The following NRXN1 variants were observed in gnomAD, a reference collection of about 807,000 sequenced individuals.
NRXN1 encodes the protein neurexin 1.
NRXN1 carries 39 observed loss-of-function variants against 150.9 expected under a neutral mutation model. The observed-to-expected ratio is 0.26, with a 90% confidence interval of 0.20 to 0.34. NRXN1 has a LOEUF of 0.34. Among genes scored for constraint, NRXN1 ranks in the 10% least tolerant of loss-of-function variants. The pLI, the probability that NRXN1 is intolerant of heterozygous loss-of-function variation, is 1.00. For missense variants in NRXN1, 1,815 were observed against 1,949.9 expected, an observed-to-expected ratio of 0.93 and a Z score of 1.30; for synonymous variants, 924 against 757.0, an observed-to-expected ratio of 1.22 and a Z score of -3.62.
At chr2:50,616,276 T>A (rs1211638936) in intron 8 of NRXN1, 1 of 152,210 alleles carries the variant, frequency 6.6e-6, no homozygotes, top group African/African-American at 2.4e-5. Context: ...GGTTAGGTTT[T>A]ACCAAATTAT....
chr2:50,672,124 G>C (rs772561744), intron 5 of NRXN1, among the ~76,000 whole-genome samples: 1 of 151,758 alleles, frequency 6.6e-6, no homozygotes, highest in Non-Finnish European at 1.5e-5. Flanking sequence ...ACCATAATTT[G>C]CTATAATACC....
chr2:50,347,030 G>A lies in NRXN1; in HGVS notation c.3365-110060C>T. 1 of 1,371,308 alleles carries A rather than the reference G, an allele frequency of 7.3e-7. No individual in the cohort carries two copies. The highest frequency in any genetic ancestry group is 1.3e-5 in the South Asian group (1 of 78,550). 84.9% of individuals were successfully genotyped at this position (1,371,308 alleles called of 1,614,324 possible). Reference sequence around the variant, plus strand: ...GAGAGGAGAGGGCGCAGGGGAGCGGGCGGCGCGGAGTGGGCTGAGGGGCCG... The same window carrying A: ...GAGAGGAGAGGGCGCAGGGGAGCGGACGGCGCGGAGTGGGCTGAGGGGCCG... On this transcript the variant is annotated intron_variant, in intron 17 of 22. Transcript: ENST00000401669. The surrounding 1 kb of genome is among the most constrained non-coding windows in gnomAD (Gnocchi z 4.9).
At chr2:50,868,165 ATATATAT>A (rs1475878738) in intron 5 of NRXN1, among the ~76,000 whole-genome samples, 14 of 76,996 alleles carry the variant, frequency 1.8e-4, no homozygotes, top group African/African-American at 5.1e-4. Context: ...ATATATATAT[ATATATAT>A]ATATATATAT....
At chr2:50,067,290 G>A (rs1461702114) in intron 19 of NRXN1, among the ~76,000 whole-genome samples, 1 of 152,114 alleles carries the variant, frequency 6.6e-6, no homozygotes, top group Admixed American at 6.6e-5. Flanking sequence ...AGATATCTAA[G>A]TGTTTTACAC....
intron 2 of NRXN1, among the ~76,000 whole-genome samples, chr2:50,948,551 A>G (rs1690779444): frequency 6.6e-6 from 1 of 152,016 alleles, no homozygotes. Context: ...GTTGATCTGA[A>G]TTTATTGGAG....
At chr2:50,901,905 C>T (rs1298466068) in intron 5 of NRXN1, among the ~76,000 whole-genome samples, 2 of 152,078 alleles carry the variant, frequency 1.3e-5, no homozygotes, top group South Asian at 2.1e-4. Context: ...ACACGCATGG[C>T]GAATGGAAGA....
intron 5 of NRXN1, among the ~76,000 whole-genome samples, chr2:50,652,684 CAT>C (rs748699320): frequency 4.9e-4 from 75 of 152,132 alleles, no homozygotes; most frequent in Middle Eastern, 3.4e-3. Context: ...TGTATAGACA[CAT>C]GTTTTCATTT....
At chr2:50,630,351 A>T (rs184483829) in intron 5 of NRXN1, among the ~76,000 whole-genome samples, 4 of 151,828 alleles carry the variant, frequency 2.6e-5, no homozygotes, top group African/African-American at 9.6e-5. Context: ...GGGAAAAAAA[A>T]TGTTAAACAA....
chr2:50,257,749 A>G (rs972373841), intron 17 of NRXN1, among the ~76,000 whole-genome samples: 3 of 152,238 alleles, frequency 2.0e-5, no homozygotes, highest in Middle Eastern at 6.8e-3. Context: ...GATAATTTAA[A>G]GAGTATCGTT....
chr2:49,973,456 C>T (rs989034767), intron 21 of NRXN1, among the ~76,000 whole-genome samples: 2 of 152,080 alleles, frequency 1.3e-5, no homozygotes, highest in Non-Finnish European at 2.9e-5. Context: ...TCATGAAAAT[C>T]CCACTCTGCC....
chr2:49,996,815 T>C (rs1369360225), intron 21 of NRXN1, among the ~76,000 whole-genome samples: 5 of 152,230 alleles, frequency 3.3e-5, no homozygotes, highest in Non-Finnish European at 5.9e-5. Flanking sequence ...GCAAATTTAT[T>C]TGTGCTGTTT....
At chr2:50,213,653 G>T (rs1042773120) in intron 18 of NRXN1, among the ~76,000 whole-genome samples, 1 of 151,800 alleles carries the variant, frequency 6.6e-6, no homozygotes, top group Non-Finnish European at 1.5e-5. Context: ...AAATTTTTAG[G>T]TATTTCTAGT....
rs183332349 is a variant in NRXN1 at position 49,964,053 on chromosome 2, A to G, written c.4129-20262T>C. On this transcript the variant is annotated intron_variant, in intron 21 of 22. Transcript: ENST00000401669. ...TCCCACAGAGGCACAATGCTTCTAAAGCTTTGAAGCCTGAAGTTCAGGGAA... is the reference window on the plus strand; with the variant it reads ...TCCCACAGAGGCACAATGCTTCTAAGGCTTTGAAGCCTGAAGTTCAGGGAA... Among the ~76,000 whole-genome samples the G allele has an allele frequency of 2.3e-3, 351 of 152,292 alleles. 1 individual carries two copies. Among genetic ancestry groups the G allele is most frequent in the African/African-American group, 8.2e-3 (339 of 41,558 alleles).
intron 5 of NRXN1, among the ~76,000 whole-genome samples, chr2:50,803,549 A>T (rs1452949886): frequency 1.3e-5 from 2 of 152,134 alleles, no homozygotes; most frequent in Non-Finnish European, 2.9e-5. Flanking sequence ...ACATTGTTCA[A>T]TTTTTTCTAA....
chr2:50,996,180 G>A (rs1575163698), intron 2 of NRXN1, among the ~76,000 whole-genome samples: 1 of 152,236 alleles, frequency 6.6e-6, no homozygotes, highest in East Asian at 1.9e-4. Flanking sequence ...TAAATGGGCA[G>A]TTTGCTGGTT....
chr2:50,690,099 CT>C (rs1691859388), intron 5 of NRXN1, among the ~76,000 whole-genome samples: 1 of 152,078 alleles, frequency 6.6e-6, no homozygotes, highest in Non-Finnish European at 1.5e-5. Context: ...GTTAGCAAGG[CT>C]GGTCTAGACC....
chr2:50,010,965 A>G (rs1296367862), intron 21 of NRXN1, among the ~76,000 whole-genome samples: 1 of 152,200 alleles, frequency 6.6e-6, no homozygotes, highest in Non-Finnish European at 1.5e-5. Flanking sequence ...CAAAAAGCTC[A>G]AGATGGTCTC....
intron 17 of NRXN1, among the ~76,000 whole-genome samples, chr2:50,295,377 G>A (rs1233275617): frequency 6.6e-6 from 1 of 152,080 alleles, no homozygotes; most frequent in African/African-American, 2.4e-5. Context: ...AAGATCATTA[G>A]ACAATATTGT....
intron 5 of NRXN1, among the ~76,000 whole-genome samples, chr2:50,655,737 C>T (rs887209360): frequency 1.1e-4 from 17 of 151,786 alleles, no homozygotes; most frequent in African/African-American, 4.1e-4. Flanking sequence ...GACATCATCA[C>T]TGGCCTACCC....
Sources: allele counts gnomAD v4.1 joint callset (sites outside exome capture counted in the v4.1 genomes callset), GRCh38; gene constraint gnomAD v4.1.1; non-coding constraint Gnocchi (gnomAD v3.1); transcripts MANE v1.5; gene names NCBI Gene and HGNC (gene_info 2026-07-23, HGNC 2026-07-21).